The following USP47 variants were observed in gnomAD, a reference collection of about 807,000 sequenced individuals.
USP47 encodes ubiquitin specific peptidase 47.
A neutral mutation model predicts 165.1 loss-of-function variants in USP47; 35 were observed. That is an observed-to-expected ratio of 0.21 (90% confidence interval 0.16 to 0.28). USP47 has a LOEUF of 0.28. Among genes scored for constraint, USP47 ranks in the 10% least tolerant of loss-of-function variants. The pLI, the probability that USP47 is intolerant of heterozygous loss-of-function variation, is 1.00. For synonymous variants in USP47, 531 were observed against 544.5 expected, an observed-to-expected ratio of 0.98 and a Z score of 0.35; for missense variants, 1,277 against 1,607.4, an observed-to-expected ratio of 0.79 and a Z score of 3.52.
chr11:11,949,798 A>G, intron 22 of USP47, 91 bp from the exon 23 acceptor site: 1 of 859,478 alleles, frequency 1.2e-6, no homozygotes, highest in Non-Finnish European at 1.7e-6. Flanking sequence ...AATTGCAAAT[A>G]AAATGTTTTG....
chr11:11,861,925 TA>T (rs1849408193), intron 1 of USP47, among the ~76,000 whole-genome samples: 1 of 152,036 alleles, frequency 6.6e-6, no homozygotes, highest in African/African-American at 2.4e-5. Flanking sequence ...CAACATGTGC[TA>T]AAACAAATTA....
intron 25 of USP47, among the ~76,000 whole-genome samples, chr11:11,953,202 A>T (rs951751703): frequency 1.3e-5 from 2 of 151,844 alleles, no homozygotes; most frequent in East Asian, 1.9e-4. Context: ...CTTTATGTCT[A>T]AAAAAAACCA....
chr11:11,923,041 CATATATATATATATATATATATATATAT>C (rs56976706), intron 11 of USP47, 150 bp downstream of exon 11: 88 of 140,080 alleles, frequency 6.3e-4, no homozygotes, highest in African/African-American at 2.5e-3. Flanking sequence ...TTTTTTTGTA[CATATATATATATATATATATATATATAT>C]ATATATATAT....
At chr11:11,954,967 T>C (rs374861912) in intron 26 of USP47, 23 bp downstream of exon 26, 45 of 1,613,788 alleles carry the variant, frequency 2.8e-5, no homozygotes, top group Non-Finnish European at 3.6e-5. Flanking sequence ...GAATGTTGCA[T>C]CTGTGTATTG....
Position 11,867,779 on chromosome 11 carries a change from G to A in USP47, c.40-12398G>A, listed in dbSNP as rs1453307574. Among the ~76,000 whole-genome samples the A allele has an allele frequency of 5.3e-5, 8 of 152,216 alleles. No homozygotes were observed. The East Asian group carries it at 1.5e-3, about 29-fold the overall frequency. ...TTTTGTGGAAATTAGTTGCACTTTG[G>A]AATATATGTGATTCCTTCCAGGAAG... On this transcript the variant is annotated intron_variant, in intron 1 of 27. Coordinates refer to ENST00000527733, the MANE Select transcript of USP47 (RefSeq NM_001282659.2).
chr11:11,937,479 T>C (rs1292577130), intron 17 of USP47, among the ~76,000 whole-genome samples: 1 of 151,654 alleles, frequency 6.6e-6, no homozygotes, highest in African/African-American at 2.4e-5. Context: ...GGCTCTTAAG[T>C]GGGAAAATTT....
intron 1 of USP47, among the ~76,000 whole-genome samples, chr11:11,854,947 T>C (rs1482966818): frequency 6.7e-6 from 1 of 148,718 alleles, no homozygotes; most frequent in East Asian, 2.0e-4. Flanking sequence ...CAAAAAAAAT[T>C]AGCCGGGTGC....
chr11:11,930,655 CT>C (rs1564885050), intron 13 of USP47, 40 bp from the exon 14 acceptor site: 1 of 1,419,076 alleles, frequency 7.0e-7, no homozygotes, highest in South Asian at 1.3e-5. Context: ...TCTTTTTAAT[CT>C]ACTTTTTGTC....
At chr11:11,911,301 C>A (rs1272544755) in intron 8 of USP47, among the ~76,000 whole-genome samples, 1 of 152,098 alleles carries the variant, frequency 6.6e-6, no homozygotes, top group Non-Finnish European at 1.5e-5. Context: ...ACACTTGTGT[C>A]ATTAAAGTCC....
rs1847438779 is a variant in USP47, at chr11:11,961,174, C to T, written c.*4999C>T. 1.3e-5 allele frequency among the ~76,000 whole-genome samples: 2 copies of T among 152,116 alleles called. No individual in the cohort carries two copies. Among genetic ancestry groups the T allele is most frequent in the South Asian group, 4.1e-4 (2 of 4,826 alleles). On this transcript the variant is annotated 3_prime_UTR_variant, in exon 28 of 28. Coordinates refer to ENST00000527733, the MANE Select transcript of USP47 (RefSeq NM_001282659.2). ...TCTGTGGTAGGGCCACATCCTAAAC[C>T]CTGTATCCTGTGATTATTTACCTGA...
At chr11:11,845,152 A>G (rs1284189641) in intron 1 of USP47, among the ~76,000 whole-genome samples, 2 of 152,194 alleles carry the variant, frequency 1.3e-5, no homozygotes, top group Non-Finnish European at 2.9e-5. Context: ...AGTAGTTGCT[A>G]CAGAGACTCT....
At chr11:11,946,594 C>T (rs986951347) in intron 20 of USP47, among the ~76,000 whole-genome samples, 6 of 152,282 alleles carry the variant, frequency 3.9e-5, no homozygotes, top group African/African-American at 1.2e-4. Context: ...TGAAATCTAG[C>T]CATAGGCTTT....
At chr11:11,885,342 G>A (rs181089239) in intron 3 of USP47, among the ~76,000 whole-genome samples, 97 of 152,208 alleles carry the variant, frequency 6.4e-4, no homozygotes, top group South Asian at 6.2e-4. Context: ...CCAAGTTCTC[G>A]CACTGAGACT....
At position 11,942,994 on chromosome 11, in the gene USP47, A is replaced by C. The variant is rs201961746; in HGVS notation, c.2973A>C (p.Glu991Asp). The stretch of plus-strand genomic sequence containing the variant: ...AAGAAACATGGGATACAGCAGAAGA[A>C]GACTCTGGAACTGATAGTGAATATG... The part of the protein sequence containing the change: ...GKKETWDTAE[E>D]DSGTDSEYDE... Residue 991 changes from glutamate to aspartate, a missense_variant, in exon 20 of 28, where the codon GAA (glutamate) becomes GAC (aspartate). By Grantham distance (45) the Glu-to-Asp change is conservative. Around this residue, in one of 4 missense-constraint regions of USP47, gnomAD observed 909 missense variants for 1,068.1 expected, o/e 0.85. Transcript: ENST00000527733. The C allele has an allele frequency of 3.8e-4, 606 of 1,613,636 alleles. No homozygotes were observed. The highest frequency in any genetic ancestry group is 5.0e-4 in the Admixed American group (30 of 59,948).
intron 8 of USP47, among the ~76,000 whole-genome samples, chr11:11,915,687 G>A (rs2134555218): frequency 6.6e-6 from 1 of 152,126 alleles, no homozygotes; most frequent in South Asian, 2.1e-4. Context: ...GAAAAAAAAA[G>A]TAGACAGCTT....
intron 22 of USP47, 161 bp downstream of exon 22, chr11:11,948,719 C>G (rs989086319): frequency 3.4e-6 from 2 of 588,208 alleles, no homozygotes; most frequent in Non-Finnish European, 6.1e-6. Context: ...GTTGCAGTTA[C>G]TCACTTCTGC....
At chr11:11,875,643 G>A (rs529011013) in intron 1 of USP47, among the ~76,000 whole-genome samples, 8 of 151,574 alleles carry the variant, frequency 5.3e-5, no homozygotes, top group African/African-American at 1.7e-4. Context: ...TCTTGCTGTC[G>A]CCCAGGCTGG....
At chr11:11,900,902 T>C (rs1852183715) in intron 5 of USP47, among the ~76,000 whole-genome samples, 1 of 152,196 alleles carries the variant, frequency 6.6e-6, no homozygotes, top group Non-Finnish European at 1.5e-5. Flanking sequence ...ACAAGAAATT[T>C]GAGCATTTTC....
At chr11:11,900,364 G>A (rs1182430481) in intron 5 of USP47, among the ~76,000 whole-genome samples, 1 of 151,952 alleles carries the variant, frequency 6.6e-6, no homozygotes, top group South Asian at 2.1e-4. Context: ...GTTTCACCGT[G>A]TTAGCCAGGA....
Sources: allele counts gnomAD v4.1 joint callset (sites outside exome capture counted in the v4.1 genomes callset), GRCh38; gene constraint gnomAD v4.1.1; regional missense constraint gnomAD v4.1.1; transcripts MANE v1.5; gene names NCBI Gene and HGNC (gene_info 2026-07-23, HGNC 2026-07-21).